Variants in FOXD4 observed in about 807,000 individuals in gnomAD.
FOXD4 encodes forkhead box D4.
In FOXD4, 22 loss-of-function variants were observed where a neutral mutation model predicts 26.5. The ratio of observed to expected loss-of-function variants is 0.83; its 90% confidence interval spans 0.59 to 1.18. The LOEUF (loss-of-function observed/expected upper bound fraction) is 1.18, where lower values mean the gene tolerates loss of function less well. Among genes scored for constraint, FOXD4 ranks in the 50% most tolerant of loss-of-function variants. The probability of loss-of-function intolerance (pLI) is 0.00; values close to 1 mark genes in which losing one functional copy is unlikely to be tolerated. For missense variants in FOXD4, 625 were observed against 605.8 expected, an observed-to-expected ratio of 1.03 and a Z score of -0.33; for synonymous variants, 258 against 273.7, an observed-to-expected ratio of 0.94 and a Z score of 0.57.
chr9:117,396 C>A lies in FOXD4; in HGVS notation c.724G>T (p.Val242Phe), dbSNP rs771279234. The change falls in exon 1 of 1, where the codon GTC becomes TTC. Residue 242 changes from valine (V) to phenylalanine (F), a missense_variant. Physicochemically the swap from Val to Phe is conservative, Grantham distance 50. Around this residue, in one of 3 missense-constraint regions of FOXD4, gnomAD observed 92 missense variants for 144.2 expected, o/e 0.64. Transcript: ENST00000382500. The stretch of plus-strand genomic sequence containing the variant: ...CCGGTGTTGGGGTAGGCCCCCGGGA[C>A]TGGCTGCGGCGGGGCAGGGGCCCCA... ...LLGAPAPPQP[V>F]PGAYPNTGPG... The A allele has an allele frequency of 9.4e-6, 15 of 1,592,330 alleles. No individual in the cohort carries two copies. The highest frequency in any genetic ancestry group is 2.2e-5 in the East Asian group (1 of 44,768).
Position 117,506 on chromosome 9 carries a change from G to A in FOXD4, c.614C>T (p.Pro205Leu), listed in dbSNP as rs2492215. ...GTGGGGCAGGTGGGCTCCCGGGGTCGGTTGGTGGCGCTGGAAACGCTTCCT... is the reference window on the plus strand; with the variant it reads ...GTGGGGCAGGTGGGCTCCCGGGGTCAGTTGGTGGCGCTGGAAACGCTTCCT... Reference protein sequence around the residue: ...RRRKRFQRHQPTPGAHLPHPF... With the variant: ...RRRKRFQRHQLTPGAHLPHPF... Residue 205 changes from proline to leucine, a missense_variant, in exon 1 of 1, where the codon CCG becomes CTG. Pro to Leu is a moderately conservative substitution (Grantham distance 98, BLOSUM62 -3). Transcript: ENST00000382500. The A allele has an allele frequency of 0.084, 109,584 of 1,310,272 alleles. 1 individual carries two copies. The highest frequency in any genetic ancestry group is 0.34 in the East Asian group (12,513 of 36,886). 81.2% of individuals were successfully genotyped at this position (1,310,272 alleles called of 1,614,324 possible). A position where few individuals can be genotyped will look rare whatever the true frequency, so the allele number is the denominator to read the frequency against.
Position 117,713 on chromosome 9 carries a change from T to C in FOXD4, c.407A>G (p.Asp136Gly), listed in dbSNP as rs2492216. 841,905 of 1,300,824 alleles carry C rather than the reference T, an allele frequency of 0.65. 300,046 individuals carry two copies. Among genetic ancestry groups the C allele is most frequent in the African/African-American group, 0.77 (53,007 of 68,922 alleles). 80.6% of individuals were successfully genotyped at this position (1,300,824 alleles called of 1,614,324 possible). A position where few individuals can be genotyped will look rare whatever the true frequency, so the allele number is the denominator to read the frequency against. Residue 136 changes from aspartate (D) to glycine (G), a missense_variant, in exon 1 of 1, where the codon GAC (aspartate) becomes GGC (glycine). Transcript: ENST00000382500. ...CTTGCGGCGGTAGTAGGGGAAGCGG[T>C]CACTAATGAAGGCGCAGATGCCGCT... is the stretch of plus-strand genomic sequence containing the variant. ...TLSGICAFIS[D>G]RFPYYRRKFP...
Position 117,201 on chromosome 9 carries a change from C to T in FOXD4, c.919G>A (p.Ala307Thr), listed in dbSNP as rs759718428. The change falls in exon 1 of 1, where the codon GCA (alanine) becomes ACA (threonine). Residue 307 changes from alanine to threonine, a missense_variant. Ala to Thr is a moderately conservative substitution (Grantham distance 58). This residue lies in a region of FOXD4 where 92 missense variants were observed against 144.2 expected (regional missense o/e 0.64). Coordinates refer to ENST00000382500, the MANE Select transcript of FOXD4 (RefSeq NM_207305.5). Reference sequence around the variant, plus strand: ...TCCCGGTGGCGACGCCAGACCCTTGCCCTCCTCCCAAGGCTGAGGACCAAG... The same window carrying T: ...TCCCGGTGGCGACGCCAGACCCTTGTCCTCCTCCCAAGGCTGAGGACCAAG... ...PHLVLSLGRR[A>T]RVWRRHREAD... 4.3e-6 allele frequency: 7 copies of T among 1,610,320 alleles called. No individual in the cohort carries two copies. The South Asian group carries it at 5.5e-5, about 13-fold the overall frequency.
At position 117,500 on chromosome 9, in the gene FOXD4, G is replaced by T. The variant is rs771701937; in HGVS notation, c.620C>A (p.Pro207Gln). The T allele has an allele frequency of 1.2e-6, 2 of 1,611,086 alleles. No individual in the cohort carries two copies. Among genetic ancestry groups the T allele is most frequent in the African/African-American group, 1.3e-5 (1 of 74,964 alleles). Residue 207 changes from proline to glutamine, a missense_variant, in exon 1 of 1, where the codon CCG becomes CAG. Physicochemically the swap from Pro to Gln is moderately conservative, Grantham distance 76 (BLOSUM62 -1). Transcript: ENST00000382500. ...RKRFQRHQPT[P>Q]GAHLPHPFPL... ...GAAGGGGTGGGGCAGGTGGGCTCCC[G>T]GGGTCGGTTGGTGGCGCTGGAAACG... is the stretch of plus-strand genomic sequence containing the variant.
Position 117,783 on chromosome 9 carries a change from T to C in FOXD4, c.337A>G (p.Ile113Val). Residue 113 changes from isoleucine to valine, a missense_variant, in exon 1 of 1, where the codon ATC becomes GTC. By Grantham distance (29) the Ile-to-Val change is conservative. Around this residue, in one of 3 missense-constraint regions of FOXD4, gnomAD observed 399 missense variants for 329.4 expected, o/e 1.21. Transcript: ENST00000382500. Reference protein sequence around the residue: ...AKPPSSYIALITMAILQSPHK... With the variant: ...AKPPSSYIALVTMAILQSPHK... The stretch of plus-strand genomic sequence containing the variant: ...GGGCTTTGCAGGATGGCCATGGTGA[T>C]GAGCGCGATGTACGAGGAGGGGGGC... 1.9e-6 allele frequency: 3 copies of C among 1,613,244 alleles called. No homozygotes were observed. In the South Asian group the frequency reaches 3.3e-5, roughly 18 times the overall value.
chr9:118,156 G>A lies in FOXD4; in HGVS notation c.-37C>T. ...TGCTTCAGTCGCAGGGGATGTGGCG[G>A]CCGGATCACCTGGCCCCGGCGGGCT... On this transcript the variant is annotated 5_prime_UTR_variant, in exon 1 of 1. Coordinates refer to ENST00000382500, the MANE Select transcript of FOXD4 (RefSeq NM_207305.5). 4 of 1,574,002 alleles carry A rather than the reference G, an allele frequency of 2.5e-6. No individual in the cohort carries two copies. Among genetic ancestry groups the A allele is most frequent in the Non-Finnish European group, 3.4e-6 (4 of 1,163,904 alleles).
chr9:117,432 C>A lies in FOXD4; in HGVS notation c.688G>T (p.Gly230Cys), dbSNP rs1302220874. Reference protein sequence around the residue: ...AHAALHNPRPGPLLGAPAPPQ... With the variant: ...AHAALHNPRPCPLLGAPAPPQ... ...GGGGCAGGGGCCCCAAGCAGAGGGC[C>A]TGGGCGGGGGTTGTGCAGGGCGGCG... The change falls in exon 1 of 1, where the codon GGC becomes TGC. Residue 230 changes from glycine to cysteine, a missense_variant. Coordinates refer to ENST00000382500, the MANE Select transcript of FOXD4 (RefSeq NM_207305.5). 1 of 1,596,008 alleles carries A rather than the reference C, an allele frequency of 6.3e-7. No individual in the cohort carries two copies. The highest frequency in any genetic ancestry group is 8.5e-7 in the Non-Finnish European group (1 of 1,177,694).
Position 117,089 on chromosome 9 carries a change from G to C in FOXD4, c.1031C>G (p.Pro344Arg). The C allele has an allele frequency of 3.1e-6, 5 of 1,612,026 alleles. No individual in the cohort carries two copies. The highest frequency in any genetic ancestry group is 4.2e-6 in the Non-Finnish European group (5 of 1,179,856). Residue 344 changes from proline to arginine, a missense_variant, in exon 1 of 1, where the codon CCG (proline) becomes CGG (arginine). Around this residue, in one of 3 missense-constraint regions of FOXD4, gnomAD observed 134 missense variants for 132.2 expected, o/e 1.01. Transcript: ENST00000382500. The part of the protein sequence containing the change: ...VQGLRRVCPR[P>R]RGATAPCSSD... Reference sequence around the variant, plus strand: ...GGAGCAGGGGGCAGTAGCTCCACGCGGTCGGGGACAAACTCTGCGCAGCCC... The same window carrying C: ...GGAGCAGGGGGCAGTAGCTCCACGCCGTCGGGGACAAACTCTGCGCAGCCC...
At position 118,406 on chromosome 9, in the gene FOXD4, A is replaced by G. The variant is rs551436658; in HGVS notation, c.-287T>C. Among the ~76,000 whole-genome samples, 94 of 149,574 alleles carry G rather than the reference A, an allele frequency of 6.3e-4. No individual in the cohort carries two copies. Among genetic ancestry groups the G allele is most frequent in the African/African-American group, 2.1e-3 (88 of 41,044 alleles). ...CACTTCCTCCTAACGTAGTCCAGGG[A>G]TGATGGTCTTCTGGGCAAACACCGT... is the stretch of plus-strand genomic sequence containing the variant. On this transcript the variant is annotated 5_prime_UTR_variant, in exon 1 of 1. Transcript: ENST00000382500.
rs184811440 is a variant in FOXD4 at position 116,744 on chromosome 9, T to A, written c.*56A>T. ...GGGATTCAGATGCACACGCCCAGTA[T>A]GGGCCGCGCAAGGTGGAGTGAGCAG... On this transcript the variant is annotated 3_prime_UTR_variant, in exon 1 of 1. Transcript: ENST00000382500. The A allele has an allele frequency of 3.9e-6, 6 of 1,538,552 alleles. No homozygotes were observed. Among genetic ancestry groups the A allele is most frequent in the East Asian group, 2.3e-5 (1 of 44,372 alleles).
In FOXD4 at chr9:116,473, C is replaced by T. The variant is rs747200494; in HGVS notation, c.*327G>A. ...GAAGAAGGGGGAACATGTTTGGCAT[C>T]GGAGGCTGTGTTTTTGTTTGCTTGC... On this transcript the variant is annotated 3_prime_UTR_variant, in exon 1 of 1. Coordinates refer to ENST00000382500, the MANE Select transcript of FOXD4 (RefSeq NM_207305.5). The T allele has an allele frequency of 1.1e-3, 499 of 467,166 alleles. No individual in the cohort carries two copies. Among genetic ancestry groups the T allele is most frequent in the South Asian group, 5.1e-3 (151 of 29,606 alleles). The allele number at this position is 467,166 out of a possible 1,614,324, so 28.9% of individuals were successfully genotyped here.
At position 117,072 on chromosome 9, in the gene FOXD4, G is replaced by C. The variant is rs1296450353; in HGVS notation, c.1048C>G (p.Pro350Ala). 1.2e-6 allele frequency: 2 copies of C among 1,612,044 alleles called. No homozygotes were observed. Among genetic ancestry groups the C allele is most frequent in the Non-Finnish European group, 1.7e-6 (2 of 1,179,858 alleles). ...VCPRPRGATA[P>A]CSSDRQACRT... The stretch of plus-strand genomic sequence containing the variant: ...CAGGCTTGACGGTCGCTGGAGCAGG[G>C]GGCAGTAGCTCCACGCGGTCGGGGA... Residue 350 changes from proline to alanine, a missense_variant, in exon 1 of 1, where the codon CCC (proline) becomes GCC (alanine). Transcript: ENST00000382500.
In FOXD4 at chr9:118,289, A is replaced by G; in HGVS notation, c.-170T>C. ...ACGCCTTTGCAACAACGTCCGGCAA[A>G]GATGCCTTCGCCTTTTATAAAAGCT... On this transcript the variant is annotated 5_prime_UTR_variant, in exon 1 of 1. Coordinates refer to ENST00000382500, the MANE Select transcript of FOXD4 (RefSeq NM_207305.5). 2.8e-6 allele frequency: 4 copies of G among 1,438,980 alleles called. No homozygotes were observed. The highest frequency in any genetic ancestry group is 3.8e-6 in the Non-Finnish European group (4 of 1,058,212). 89.1% of individuals were successfully genotyped at this position (1,438,980 alleles called of 1,614,324 possible).
In FOXD4 at chr9:118,159, G is replaced by A. The variant is rs1479370319; in HGVS notation, c.-40C>T. 4.3e-6 allele frequency: 6 copies of A among 1,380,238 alleles called. No homozygotes were observed. The African/African-American group carries it at 6.7e-5, about 15-fold the overall frequency. 85.5% of individuals were successfully genotyped at this position (1,380,238 alleles called of 1,614,324 possible). A position where few individuals can be genotyped will look rare whatever the true frequency, so the allele number is the denominator to read the frequency against. Reference sequence around the variant, plus strand: ...TTCAGTCGCAGGGGATGTGGCGGCCGGATCACCTGGCCCCGGCGGGCTGAG... The same window carrying A: ...TTCAGTCGCAGGGGATGTGGCGGCCAGATCACCTGGCCCCGGCGGGCTGAG... On this transcript the variant is annotated 5_prime_UTR_variant, in exon 1 of 1. Coordinates refer to ENST00000382500, the MANE Select transcript of FOXD4 (RefSeq NM_207305.5).
Position 118,177 on chromosome 9 carries a change from G to T in FOXD4, c.-58C>A. 1 of 1,301,130 alleles carries T rather than the reference G, an allele frequency of 7.7e-7. No homozygotes were observed. Among genetic ancestry groups the T allele is most frequent in the Admixed American group, 1.9e-5 (1 of 51,476 alleles). 80.6% of individuals were successfully genotyped at this position (1,301,130 alleles called of 1,614,324 possible). ...GGCGGCCGGATCACCTGGCCCCGGCGGGCTGAGCTGGAAGCCCGGGATGAA... is the reference window on the plus strand; with the variant it reads ...GGCGGCCGGATCACCTGGCCCCGGCTGGCTGAGCTGGAAGCCCGGGATGAA... On this transcript the variant is annotated 5_prime_UTR_variant, in exon 1 of 1. Coordinates refer to ENST00000382500, the MANE Select transcript of FOXD4 (RefSeq NM_207305.5).
In FOXD4 at chr9:118,354, C is replaced by T. The variant is rs1177384109; in HGVS notation, c.-235G>A. The T allele has an allele frequency of 6.4e-6, 5 of 775,404 alleles. No individual in the cohort carries two copies. The highest frequency in any genetic ancestry group is 1.0e-5 in the Non-Finnish European group (5 of 486,212). The allele number at this position is 775,404 out of a possible 1,614,324, so 48.0% of individuals were successfully genotyped here. A position where few individuals can be genotyped will look rare whatever the true frequency, so the allele number is the denominator to read the frequency against. ...TGTGGTGGACGCCTCCCTTTATAAC[C>T]CTTCTTCCCCTACCTCGGAGCGGTG... On this transcript the variant is annotated 5_prime_UTR_variant, in exon 1 of 1. Transcript: ENST00000382500.
chr9:117,751 C>T lies in FOXD4; in HGVS notation c.369G>A (p.Lys123=). ...CGCAGATGCCGCTGAGCGTGAGGCG[C>T]TTGTGCGGGCTTTGCAGGATGGCCA... The part of the protein sequence containing the change: ...ITMAILQSPH[K]RLTLSGICAF... Residue 123 remains lysine (K), a synonymous_variant, in exon 1 of 1, where the codon AAG becomes AAA. Coordinates refer to ENST00000382500, the MANE Select transcript of FOXD4 (RefSeq NM_207305.5). 6.2e-7 allele frequency: 1 copy of T among 1,613,214 alleles called. No individual in the cohort carries two copies. The highest frequency in any genetic ancestry group is 8.5e-7 in the Non-Finnish European group (1 of 1,179,998).
chr9:116,719 G>A lies in FOXD4; in HGVS notation c.*81C>T, dbSNP rs1665334. 2 of 1,517,798 alleles carry A rather than the reference G, an allele frequency of 1.3e-6. No homozygotes were observed. Among genetic ancestry groups the A allele is most frequent in the Non-Finnish European group, 1.8e-6 (2 of 1,135,112 alleles). The allele number at this position is 1,517,798 out of a possible 1,614,324, so 94.0% of individuals were successfully genotyped here. On this transcript the variant is annotated 3_prime_UTR_variant, in exon 1 of 1. Transcript: ENST00000382500. Reference sequence around the variant, plus strand: ...CAGAAGTTCGTGTTTGCTCTCCAGCGGGATTCAGATGCACACGCCCAGTAT... The same window carrying A: ...CAGAAGTTCGTGTTTGCTCTCCAGCAGGATTCAGATGCACACGCCCAGTAT...
chr9:117,524 C>T lies in FOXD4; in HGVS notation c.596G>A (p.Arg199His), dbSNP rs562529368. Residue 199 changes from arginine (R) to histidine (H), a missense_variant, in exon 1 of 1, where the codon CGT becomes CAT. By Grantham distance (29) the Arg-to-His change is conservative. This residue lies in a region of FOXD4 where 399 missense variants were observed against 329.4 expected (regional missense o/e 1.21). Coordinates refer to ENST00000382500, the MANE Select transcript of FOXD4 (RefSeq NM_207305.5). ...DNGSFLRRRKRFQRHQPTPGA... is the reference protein window; with the variant it reads ...DNGSFLRRRKHFQRHQPTPGA... ...CGGGGTCGGTTGGTGGCGCTGGAAA[C>T]GCTTCCTACGCCGGAGAAAGCTGCC... The T allele has an allele frequency of 6.2e-7, 1 of 1,612,096 alleles. No homozygotes were observed.
Sources: allele counts gnomAD v4.1 joint callset (sites outside exome capture counted in the v4.1 genomes callset), GRCh38; gene constraint gnomAD v4.1.1; regional missense constraint gnomAD v4.1.1; transcripts MANE v1.5; gene names NCBI Gene and HGNC (gene_info 2026-07-23, HGNC 2026-07-21).